Variants in NLRP2 observed in about 807,000 individuals in gnomAD.
The protein encoded by NLRP2 is NACHT, LRR and PYD domains-containing protein 2.
Under a neutral mutation model 97.2 loss-of-function variants are expected in NLRP2, and 107 were observed. The observed-to-expected ratio is 1.10, with a 90% confidence interval of 0.94 to 1.29. The LOEUF is 1.29. Among genes scored for constraint, NLRP2 ranks in the 50% most tolerant of loss-of-function variants. The pLI, the probability that NLRP2 is intolerant of heterozygous loss-of-function variation, is 0.00. For synonymous variants in NLRP2, 663 were observed against 551.5 expected, an observed-to-expected ratio of 1.20 and a Z score of -2.83; for missense variants, 1,495 against 1,330.3, an observed-to-expected ratio of 1.12 and a Z score of -1.93.
chr19:54,972,797 G>A (rs1413522437), intron 2 of NLRP2, among the ~76,000 whole-genome samples: 2 of 152,094 alleles, frequency 1.3e-5, no homozygotes, highest in Admixed American at 1.3e-4. Context: ...TATAGAGTCA[G>A]TCTAAGTGAC....
In NLRP2 at chr19:54,983,648, G is replaced by A. The variant is rs993671850; in HGVS notation, c.1950G>A (p.Leu650=). The change falls in exon 6 of 13, where the codon CTG becomes CTA. Residue 650 remains leucine, a synonymous_variant. Coordinates refer to ENST00000448584, the MANE Select transcript of NLRP2 (RefSeq NM_017852.5). ...TCTGCGTCAAGCACTGTCGAAACCTGCAGAAAATGTCACTGCAGGTAATAA... is the reference window on the plus strand; with the variant it reads ...TCTGCGTCAAGCACTGTCGAAACCTACAGAAAATGTCACTGCAGGTAATAA... The part of the protein sequence containing the change: ...SSFCVKHCRN[L]QKMSLQVIKE... 1 of 1,614,148 alleles carries A rather than the reference G, an allele frequency of 6.2e-7. No individual in the cohort carries two copies. Among genetic ancestry groups the A allele is most frequent in the Admixed American group, 1.7e-5 (1 of 60,020 alleles).
chr19:54,994,745 G>T (rs2072712233), intron 11 of NLRP2, among the ~76,000 whole-genome samples: 1 of 151,580 alleles, frequency 6.6e-6, no homozygotes, highest in Non-Finnish European at 1.5e-5. Context: ...CGAGTAGCTG[G>T]GATTACAGGC....
intron 3 of NLRP2, among the ~76,000 whole-genome samples, 185 bp downstream of exon 3, chr19:54,974,729 G>A (rs576790535): frequency 3.7e-4 from 56 of 152,292 alleles, no homozygotes; most frequent in Non-Finnish European, 5.4e-4. Context: ...AAACACGATC[G>A]CGTTTGTTGG....
chr19:54,992,831 T>A (rs1043752463), intron 10 of NLRP2, among the ~76,000 whole-genome samples: 2 of 151,960 alleles, frequency 1.3e-5, no homozygotes, highest in African/African-American at 4.8e-5. Flanking sequence ...AGTGCTGGGA[T>A]TACAGGTGTG....
rs765436036 is a variant in NLRP2, at chr19:55,000,917, T to A, written c.*19T>A. ...GATCTGAATCCCCCCGAGTCATTCA[T>A]TCTCCATGAAGTCATCGATTTTCCA... On this transcript the variant is annotated 3_prime_UTR_variant, in exon 13 of 13. Transcript: ENST00000448584. 6.2e-7 allele frequency: 1 copy of A among 1,613,102 alleles called. No individual in the cohort carries two copies. Among genetic ancestry groups the A allele is most frequent in the South Asian group, 1.1e-5 (1 of 91,068 alleles).
intron 4 of NLRP2, among the ~76,000 whole-genome samples, chr19:54,978,865 TGACA>T (rs2071405280): frequency 6.6e-6 from 1 of 150,658 alleles, no homozygotes. Flanking sequence ...AAAAAAAAAT[TGACA>T]GGCATAAATG....
rs1019124113 is a variant in NLRP2, at chr19:54,966,436, C to T, written c.-49C>T. 1 of 152,184 alleles carries T rather than the reference C, an allele frequency of 6.6e-6. No homozygotes were observed. Among genetic ancestry groups the T allele is most frequent in the East Asian group, 1.9e-4 (1 of 5,202 alleles). 9.4% of individuals were successfully genotyped at this position (152,184 alleles called of 1,614,324 possible). A position where few individuals can be genotyped will look rare whatever the true frequency, so the allele number is the denominator to read the frequency against. On this transcript the variant is annotated 5_prime_UTR_variant, in exon 1 of 13. Transcript: ENST00000448584. ...AGCTTTCTCAACCTGCAGCCCTCAT[C>T]TCCGCCGGCGAGTAGGGCCAGGTGT... is the stretch of plus-strand genomic sequence containing the variant.
chr19:54,967,249 G>A (rs1461879599), intron 1 of NLRP2, among the ~76,000 whole-genome samples: 1 of 152,026 alleles, frequency 6.6e-6, no homozygotes, highest in Non-Finnish European at 1.5e-5. Flanking sequence ...TTGGGAGGCC[G>A]AGGCGGGAGG....
At chr19:54,972,167 C>G (rs1036037626) in intron 2 of NLRP2, among the ~76,000 whole-genome samples, 2 of 150,902 alleles carry the variant, frequency 1.3e-5, no homozygotes, top group African/African-American at 4.9e-5. Context: ...AACTACTCTA[C>G]TTTCTACCCC....
intron 12 of NLRP2, among the ~76,000 whole-genome samples, chr19:54,998,110 C>G (rs569963750): frequency 6.6e-6 from 1 of 151,476 alleles, no homozygotes; most frequent in South Asian, 2.1e-4. Flanking sequence ...CCTCCACCTC[C>G]CAGGTTCCAG....
At chr19:54,981,543 C>CT (rs2071574618) in intron 4 of NLRP2, 74 bp from the exon 5 acceptor site, 1 of 768,076 alleles carries the variant, frequency 1.3e-6, no homozygotes, top group South Asian at 1.3e-5. Flanking sequence ...AGCCTGCCTC[C>CT]TTTTCTCTAA....
chr19:54,982,092 T>G (rs2071610498), intron 5 of NLRP2, 70 bp from the exon 6 acceptor site: 1 of 1,597,590 alleles, frequency 6.3e-7, no homozygotes, highest in Non-Finnish European at 8.6e-7. Context: ...CAAGGCATTT[T>G]GTTATTTTGG....
intron 4 of NLRP2, among the ~76,000 whole-genome samples, chr19:54,980,972 G>A (rs141925652): frequency 4.6e-5 from 7 of 152,204 alleles, no homozygotes; most frequent in South Asian, 2.1e-4. Flanking sequence ...TAGCCTAGAC[G>A]CAGTGGCACA....
chr19:54,995,618 T>C (rs377317180), intron 11 of NLRP2, among the ~76,000 whole-genome samples: 15 of 152,116 alleles, frequency 9.9e-5, no homozygotes, highest in African/African-American at 3.1e-4. Flanking sequence ...GAATTAGATA[T>C]CGTGCCAGAA....
Position 54,974,420 on chromosome 19 carries a change from G to A in NLRP2, c.281-80G>A, listed in dbSNP as rs577055448. 8.0e-6 allele frequency: 8 copies of A among 1,005,468 alleles called. No individual in the cohort carries two copies. The African/African-American group carries it at 1.3e-4, about 16-fold the overall frequency. The allele number at this position is 1,005,468 out of a possible 1,614,324, so 62.3% of individuals were successfully genotyped here. A position where few individuals can be genotyped will look rare whatever the true frequency, so the allele number is the denominator to read the frequency against. On this transcript the variant is annotated intron_variant, in intron 2 of 12. Transcript: ENST00000448584. ...AGGAACAAGTGATCCAGTTCTAAGT[G>A]TCATCTTTTCTTTTATGAAGGCAAT...
At position 54,983,140 on chromosome 19, in the gene NLRP2, G is replaced by A. The variant is rs1449525359; in HGVS notation, c.1442G>A (p.Arg481His). ...ERLGVQESDL[R>H]LFLDGDILRQ... ...CTCGGGGTGCAGGAGTCCGACCTCC[G>A]TCTGTTCCTGGACGGAGACATCCTC... Residue 481 changes from arginine (R) to histidine (H), a missense_variant, in exon 6 of 13, where the codon CGT becomes CAT. Coordinates refer to ENST00000448584, the MANE Select transcript of NLRP2 (RefSeq NM_017852.5). 8.1e-6 allele frequency: 13 copies of A among 1,613,450 alleles called. 1 individual carries two copies. Among genetic ancestry groups the A allele is most frequent in the Admixed American group, 3.3e-5 (2 of 59,930 alleles).
At position 54,982,693 on chromosome 19, in the gene NLRP2, T is replaced by C; in HGVS notation, c.995T>C (p.Leu332Pro). ...LNRVMLPKAA[L>P]LVTTRPRALR... ...AGGGTGATGTTACCCAAGGCCGCCC[T>C]GCTGGTCACCACGCGGCCCAGGGCC... The change falls in exon 6 of 13, where the codon CTG becomes CCG. Residue 332 changes from leucine to proline, a missense_variant. Transcript: ENST00000448584. 1 of 1,614,116 alleles carries C rather than the reference T, an allele frequency of 6.2e-7. No homozygotes were observed.
At chr19:54,979,498 T>A (rs1193708157) in intron 4 of NLRP2, among the ~76,000 whole-genome samples, 1 of 151,214 alleles carries the variant, frequency 6.6e-6, no homozygotes, top group Admixed American at 6.6e-5. Flanking sequence ...CACCACCACA[T>A]CTGGCTAATT....
In NLRP2 at chr19:55,000,833, A is replaced by G. The variant is rs139504696; in HGVS notation, c.3124A>G (p.Ile1042Val). ...AATAGAAGAAAAAAACCCACAACTGATTATTGATACTGAGAAACATCATCC... is the reference window on the plus strand; with the variant it reads ...AATAGAAGAAAAAAACCCACAACTGGTTATTGATACTGAGAAACATCATCC... ...EEIEEKNPQL[I>V]IDTEKHHPWA... The change falls in exon 13 of 13, where the codon ATT becomes GTT. Residue 1042 changes from isoleucine to valine, a missense_variant. By Grantham distance (29) the Ile-to-Val change is conservative. Coordinates refer to ENST00000448584, the MANE Select transcript of NLRP2 (RefSeq NM_017852.5). 1.6e-3 allele frequency: 2,514 copies of G among 1,613,468 alleles called. 4 individuals are homozygous for G. Among genetic ancestry groups the G allele is most frequent in the Admixed American group, 3.2e-3 (190 of 60,002 alleles).
Sources: allele counts gnomAD v4.1 joint callset (sites outside exome capture counted in the v4.1 genomes callset), GRCh38; gene constraint gnomAD v4.1.1; transcripts MANE v1.5; gene names NCBI Gene and HGNC (gene_info 2026-07-23, HGNC 2026-07-21).